The following ASB4 variants were observed in gnomAD, a reference collection of about 807,000 sequenced individuals.
ASB4 encodes ankyrin repeat and SOCS box containing 4.
ASB4 carries 35 observed loss-of-function variants against 38.6 expected under a neutral mutation model. The ratio of observed to expected loss-of-function variants is 0.91; its 90% CI spans 0.69 to 1.20. The LOEUF (loss-of-function observed/expected upper bound fraction) is 1.20. Ranked by LOEUF, ASB4 falls within the 50% of genes most tolerant of loss-of-function variation. The pLI is 0.00. For synonymous variants in ASB4, 195 were observed against 201.3 expected (o/e 0.97, Z 0.26); for missense variants, 557 against 527.2 (o/e 1.06, Z -0.55).
chr7:95,524,498 TA>T (rs36097927), intron 2 of ASB4, among the ~76,000 whole-genome samples: 70,096 of 151,590 alleles, frequency 0.46, 16,762 homozygotes, highest in African/African-American at 0.59. Flanking sequence ...TTACAATAAT[TA>T]AAAAAAACTG....
intron 2 of ASB4, among the ~76,000 whole-genome samples, chr7:95,499,662 C>T (rs1355319247): frequency 2.6e-5 from 4 of 151,996 alleles, no homozygotes; most frequent in Non-Finnish European, 5.9e-5. Context: ...CAGAAGTGAA[C>T]ATAAGAAGAG....
the ASB4 span, among the ~76,000 whole-genome samples, chr7:95,471,129 A>T: frequency 6.6e-6 from 1 of 152,082 alleles, no homozygotes; most frequent in Non-Finnish European, 1.5e-5. Context: ...GTGTTTTCTA[A>T]TGTCCATATC....
At chr7:95,528,422 C>T (rs753216940) in intron 3 of ASB4, 119 bp downstream of exon 3, 14 of 1,531,244 alleles carry the variant, frequency 9.1e-6, no homozygotes, top group Non-Finnish European at 1.2e-5. Flanking sequence ...ACCTCTGATC[C>T]TCTTTGACCT....
At chr7:95,475,406 T>G (rs749733151), upstream of ASB4, among the ~76,000 whole-genome samples, 1 of 152,088 alleles carries the variant, frequency 6.6e-6, no homozygotes, top group African/African-American at 2.4e-5. Context: ...TTTTTTGAGA[T>G]GGAGACTGGC....
At chr7:95,546,242 T>G in the ASB4 span, among the ~76,000 whole-genome samples, 4 of 152,198 alleles carry the variant, frequency 2.6e-5, no homozygotes, top group South Asian at 2.1e-4. Context: ...CCACAAATGG[T>G]TAGACACACA....
intron 2 of ASB4, among the ~76,000 whole-genome samples, chr7:95,527,447 G>A (rs1279494811): frequency 6.6e-6 from 1 of 152,196 alleles, no homozygotes; most frequent in African/African-American, 2.4e-5. Flanking sequence ...TGTTTTTAAT[G>A]ATATTAGCAA....
chr7:95,516,695 T>C (rs17704092), intron 2 of ASB4, among the ~76,000 whole-genome samples: 12,050 of 152,272 alleles, frequency 0.079, 550 homozygotes, highest in Non-Finnish European at 0.095. Flanking sequence ...AGACCAAGTG[T>C]CAAAAAGTTT....
chr7:95,474,174 G>A (rs147891671), upstream of ASB4, among the ~76,000 whole-genome samples: 6 of 152,282 alleles, frequency 3.9e-5, no homozygotes, highest in South Asian at 2.1e-4. Flanking sequence ...TCAAATTAGC[G>A]AATATGCATA....
At chr7:95,483,225 A>T (rs1243184250), upstream of ASB4, among the ~76,000 whole-genome samples, 1 of 152,192 alleles carries the variant, frequency 6.6e-6, no homozygotes, top group Non-Finnish European at 1.5e-5. Flanking sequence ...TTCAGTCACC[A>T]TGAGGTCTCG....
At chr7:95,548,398 G>T in the ASB4 span, among the ~76,000 whole-genome samples, 1 of 152,188 alleles carries the variant, frequency 6.6e-6, no homozygotes, top group African/African-American at 2.4e-5. Context: ...TTTGTCATTT[G>T]TTCCCTTTGT....
intron 1 of ASB4, among the ~76,000 whole-genome samples, chr7:95,486,763 T>C (rs1790096769): frequency 6.6e-6 from 1 of 152,258 alleles, no homozygotes; most frequent in South Asian, 2.1e-4. Context: ...CTACAATAAT[T>C]GTTCAAAATT....
the ASB4 span, among the ~76,000 whole-genome samples, chr7:95,549,301 A>ATTTTTTTTTTTTTTTTTTTTTTTTT: frequency 8.7e-6 from 1 of 114,860 alleles, no homozygotes; most frequent in African/African-American, 3.7e-5. Flanking sequence ...AGGAGACTCC[A>ATTTTTTTTTTTTTTTTTTTTTTTTT]TTTTTTTTTT....
intron 3 of ASB4, among the ~76,000 whole-genome samples, chr7:95,533,645 G>A (rs539124651): frequency 6.6e-6 from 1 of 152,022 alleles, no homozygotes; most frequent in South Asian, 2.1e-4. Context: ...TTTTGACTTT[G>A]GAGTCATGCA....
At chr7:95,522,732 TTCTTA>T (rs1170576556) in intron 2 of ASB4, among the ~76,000 whole-genome samples, 1 of 152,196 alleles carries the variant, frequency 6.6e-6, no homozygotes, top group Non-Finnish European at 1.5e-5. Context: ...TCTGCTGAAA[TTCTTA>T]TCTTATCTGT....
intron 2 of ASB4, among the ~76,000 whole-genome samples, chr7:95,496,431 A>G (rs1790249392): frequency 6.6e-6 from 1 of 152,220 alleles, no homozygotes; most frequent in African/African-American, 2.4e-5. Flanking sequence ...TATAATTATA[A>G]ATTGGGACAG....
At chr7:95,496,080 C>A in intron 2 of ASB4, 23 bp downstream of exon 2, 7 of 1,597,686 alleles carry the variant, frequency 4.4e-6, no homozygotes, top group Non-Finnish European at 6.0e-6. Flanking sequence ...GGGTGGCCAA[C>A]ATTGTTGTCT....
intron 2 of ASB4, among the ~76,000 whole-genome samples, chr7:95,507,158 G>T (rs1585805010): frequency 6.6e-6 from 1 of 151,918 alleles, no homozygotes; most frequent in South Asian, 2.1e-4. Context: ...TTGTTTTTTT[G>T]CTGCAGGGTA....
At chr7:95,503,066 A>G (rs1790363183) in intron 2 of ASB4, among the ~76,000 whole-genome samples, 1 of 152,238 alleles carries the variant, frequency 6.6e-6, no homozygotes, top group South Asian at 2.1e-4. Context: ...TGAAAATTAT[A>G]TGTGACTATG....
At chr7:95,514,662 T>C (rs1008513416) in intron 2 of ASB4, among the ~76,000 whole-genome samples, 1 of 152,160 alleles carries the variant, frequency 6.6e-6, no homozygotes, top group Non-Finnish European at 1.5e-5. Flanking sequence ...ACTACCTGTC[T>C]TACCCATTTC....
Sources: allele counts gnomAD v4.1 joint callset (sites outside exome capture counted in the v4.1 genomes callset), GRCh38; gene constraint gnomAD v4.1.1; transcripts MANE v1.5; gene names NCBI Gene and HGNC (gene_info 2026-07-23, HGNC 2026-07-21).